DENND5A: variants seen among roughly 807,000 people sequenced by gnomAD.
DENND5A encodes DENN domain containing 5A, also known as DENN domain-containing protein 5A.
Under a neutral mutation model 140.3 loss-of-function variants are expected in DENND5A, and 64 were observed. That is an observed-to-expected ratio of 0.46 (90% CI 0.37 to 0.56). The LOEUF is 0.56. Among genes scored for constraint, DENND5A ranks in the 20% least tolerant of loss-of-function variants. The pLI, the probability that DENND5A is intolerant of heterozygous loss-of-function variation, is 0.00. For missense variants in DENND5A, 1,292 were observed against 1,593.8 expected (o/e 0.81, Z 3.22); for synonymous variants, 605 against 607.7 (o/e 1.00, Z 0.07).
At chr11:9,231,303 C>T (rs1850759389) in intron 1 of DENND5A, among the ~76,000 whole-genome samples, 1 of 152,220 alleles carries the variant, frequency 6.6e-6, no homozygotes, top group Non-Finnish European at 1.5e-5. Flanking sequence ...GAGCCCACAG[C>T]AGCAAACGTG....
intron 5 of DENND5A, among the ~76,000 whole-genome samples, chr11:9,191,204 G>A (rs1312319628): frequency 3.3e-5 from 5 of 151,972 alleles, no homozygotes; most frequent in South Asian, 2.1e-4. Context: ...GGGAACTTTT[G>A]GGTTTCTTTT....
chr11:9,195,551 C>T (rs1849295498), intron 4 of DENND5A, among the ~76,000 whole-genome samples: 1 of 152,110 alleles, frequency 6.6e-6, no homozygotes, highest in South Asian at 2.1e-4. Context: ...CACTAAAAAC[C>T]CACTCCACCA....
intron 21 of DENND5A, 95 bp from the exon 22 acceptor site, chr11:9,142,203 A>C (rs1847269408): frequency 2.0e-6 from 2 of 987,342 alleles, no homozygotes; most frequent in Admixed American, 5.3e-5. Context: ...CCAAGTCCAC[A>C]CAGGTAACTT....
chr11:9,197,259 C>T (rs192355098), intron 4 of DENND5A, among the ~76,000 whole-genome samples: 4 of 151,198 alleles, frequency 2.6e-5, no homozygotes, highest in Non-Finnish European at 4.4e-5. Context: ...GAGCCAAGAT[C>T]GCGCCACTGC....
chr11:9,244,936 G>A (rs926853586), intron 1 of DENND5A, among the ~76,000 whole-genome samples: 17 of 150,912 alleles, frequency 1.1e-4, no homozygotes, highest in African/African-American at 3.6e-4. Context: ...CTTGGCCTCC[G>A]AAAGTGCTGG....
At chr11:9,169,493 ACG>A (rs1554916425) in intron 10 of DENND5A, among the ~76,000 whole-genome samples, 7 of 102,824 alleles carry the variant, frequency 6.8e-5, no homozygotes, top group African/African-American at 2.0e-4. Context: ...CTATATACAC[ACG>A]CACACACACA....
chr11:9,241,382 A>G (rs1851228892), intron 1 of DENND5A, among the ~76,000 whole-genome samples: 1 of 152,200 alleles, frequency 6.6e-6, no homozygotes, highest in Middle Eastern at 3.4e-3. Context: ...TACATTTCTA[A>G]GAAGTTCTCA....
chr11:9,221,325 G>A (rs964311834), intron 1 of DENND5A, among the ~76,000 whole-genome samples: 1 of 151,888 alleles, frequency 6.6e-6, no homozygotes, highest in African/African-American at 2.4e-5. Context: ...CAGCTACTCA[G>A]GAGGCTGAGG....
chr11:9,170,895 G>A, intron 8 of DENND5A, 118 bp from the exon 9 acceptor site: 1 of 1,504,482 alleles, frequency 6.6e-7, no homozygotes, highest in Non-Finnish European at 8.9e-7. Flanking sequence ...CCAAGATAGA[G>A]TAAAAGGGAC....
Position 9,179,145 on chromosome 11 carries a change from T to A in DENND5A, c.1456-72A>T, listed in dbSNP as rs1848643309. On this transcript the variant is annotated intron_variant, in intron 6 of 22. Transcript: ENST00000328194. Reference sequence around the variant, plus strand: ...TTAACCCAAGGAATGCAATTCCTGATTTTTTTATCTGATTTTTTTTTACAG... The same window carrying A: ...TTAACCCAAGGAATGCAATTCCTGAATTTTTTATCTGATTTTTTTTTACAG... 5 of 1,362,484 alleles carry A rather than the reference T, an allele frequency of 3.7e-6. No homozygotes were observed. In the South Asian group the frequency reaches 6.3e-5, roughly 17 times the overall value. 84.4% of individuals were successfully genotyped at this position (1,362,484 alleles called of 1,614,324 possible). A position where few individuals can be genotyped will look rare whatever the true frequency, so the allele number is the denominator to read the frequency against.
In DENND5A at chr11:9,210,593, G is replaced by C. The variant is rs978002192; in HGVS notation, c.110-2961C>G. Among the ~76,000 whole-genome samples, 14 of 152,238 alleles carry C rather than the reference G, an allele frequency of 9.2e-5. No homozygotes were observed. In the East Asian group the frequency reaches 2.7e-3, roughly 29 times the overall value. Reference sequence around the variant, plus strand: ...AGGTCACACTCTGTTGCCCAGGCTGGGGTGCAGTGGCACAATCACGGCTCA... The same window carrying C: ...AGGTCACACTCTGTTGCCCAGGCTGCGGTGCAGTGGCACAATCACGGCTCA... On this transcript the variant is annotated intron_variant, in intron 1 of 22. Coordinates refer to ENST00000328194, the MANE Select transcript of DENND5A (RefSeq NM_015213.4).
At chr11:9,204,925 G>T (rs1849645764) in intron 3 of DENND5A, among the ~76,000 whole-genome samples, 1 of 152,180 alleles carries the variant, frequency 6.6e-6, no homozygotes, top group South Asian at 2.1e-4. Flanking sequence ...GGGACAAGAA[G>T]AAAATGCACA....
At chr11:9,245,200 G>C (rs551669365) in intron 1 of DENND5A, 1 of 150,524 alleles carries the variant, frequency 6.6e-6, no homozygotes, top group Non-Finnish European at 1.5e-5. Flanking sequence ...CAGGAGAATC[G>C]CTTGAACCCA....
chr11:9,199,465 T>C (rs1849453117), intron 4 of DENND5A, among the ~76,000 whole-genome samples: 1 of 152,142 alleles, frequency 6.6e-6, no homozygotes, highest in Non-Finnish European at 1.5e-5. Context: ...GCCACTGCAC[T>C]CTAGCATAGG....
chr11:9,259,501 G>C (rs1357193838), intron 1 of DENND5A, among the ~76,000 whole-genome samples: 1 of 152,128 alleles, frequency 6.6e-6, no homozygotes, highest in African/African-American at 2.4e-5. Flanking sequence ...GGGAGGCGGA[G>C]TTTGCAGTGA....
chr11:9,140,306 T>A, intron 22 of DENND5A: 1 of 938,742 alleles, frequency 1.1e-6, no homozygotes, highest in Non-Finnish European at 1.5e-6. Context: ...GAAAGTAGGG[T>A]AGATGGAAGT....
Position 9,185,879 on chromosome 11 carries a change from T to C in DENND5A, c.1138-4795A>G, listed in dbSNP as rs568832645. Among the ~76,000 whole-genome samples the C allele has an allele frequency of 2.0e-5, 3 of 152,132 alleles. No individual in the cohort carries two copies. In the South Asian group the frequency reaches 6.2e-4, roughly 32 times the overall value. On this transcript the variant is annotated intron_variant, in intron 5 of 22. Transcript: ENST00000328194. Reference sequence around the variant, plus strand: ...CTGTGTTGTCTGTGTGTGTGCGTTTTCTGGATGTTTACGTGTCTGTGCATG... The same window carrying C: ...CTGTGTTGTCTGTGTGTGTGCGTTTCCTGGATGTTTACGTGTCTGTGCATG...
intron 1 of DENND5A, among the ~76,000 whole-genome samples, chr11:9,233,122 C>T (rs1850839887): frequency 6.6e-6 from 1 of 152,162 alleles, no homozygotes; most frequent in Non-Finnish European, 1.5e-5. Context: ...TCAAGACAGC[C>T]AGTCGCAGGG....
At chr11:9,202,656 T>C (rs1849560922) in intron 4 of DENND5A, among the ~76,000 whole-genome samples, 1 of 152,226 alleles carries the variant, frequency 6.6e-6, no homozygotes, top group Non-Finnish European at 1.5e-5. Context: ...TACAAGATTC[T>C]ATACCATCTG....
Sources: allele counts gnomAD v4.1 joint callset (sites outside exome capture counted in the v4.1 genomes callset), GRCh38; gene constraint gnomAD v4.1.1; transcripts MANE v1.5; gene names NCBI Gene and HGNC (gene_info 2026-07-23, HGNC 2026-07-21).